The following REV3L variants were observed in gnomAD, a reference collection of about 807,000 sequenced individuals.
The protein encoded by REV3L is DNA polymerase zeta catalytic subunit.
In REV3L, 69 loss-of-function variants were observed where a neutral mutation model predicts 299.4. That is an observed-to-expected ratio of 0.23 (90% confidence interval 0.19 to 0.28). The LOEUF is 0.28. REV3L is among the 10% of genes least tolerant of loss of function. The pLI, the probability that REV3L is intolerant of heterozygous loss-of-function variation, is 1.00. For synonymous variants in REV3L, 1,238 were observed against 1,271.4 expected, an observed-to-expected ratio of 0.97 and a Z score of 0.56; for missense variants, 3,128 against 3,693.8, an observed-to-expected ratio of 0.85 and a Z score of 3.97.
chr6:111,460,584 A>G (rs1309147250), intron 1 of REV3L, among the ~76,000 whole-genome samples: 1 of 152,106 alleles, frequency 6.6e-6, no homozygotes, highest in Non-Finnish European at 1.5e-5. Context: ...AGAGAAACAA[A>G]GATAATTTAT....
At chr6:111,403,401 G>A (rs976095122) in intron 4 of REV3L, among the ~76,000 whole-genome samples, 1 of 152,162 alleles carries the variant, frequency 6.6e-6, no homozygotes, top group Non-Finnish European at 1.5e-5. Context: ...TTTACATATT[G>A]AACATTTGTG....
intron 1 of REV3L, among the ~76,000 whole-genome samples, chr6:111,435,386 T>A (rs1460542048): frequency 6.6e-6 from 1 of 152,176 alleles, no homozygotes; most frequent in Non-Finnish European, 1.5e-5. Flanking sequence ...GCTGGAGGCA[T>A]CACACTACCT....
intron 13 of REV3L, among the ~76,000 whole-genome samples, chr6:111,369,504 C>T (rs1252974472): frequency 6.6e-6 from 1 of 151,928 alleles, no homozygotes; most frequent in African/African-American, 2.4e-5. Flanking sequence ...TCTTAACATA[C>T]ATAATAATAT....
intron 1 of REV3L, among the ~76,000 whole-genome samples, chr6:111,452,497 TA>T (rs571397553): frequency 7.9e-5 from 12 of 151,572 alleles, no homozygotes; most frequent in African/African-American, 1.9e-4. Context: ...ATAATGCAAT[TA>T]AAAAAAAACA....
chr6:111,373,253 T>C lies in REV3L; in HGVS notation c.5102A>G (p.Asn1701Ser). ...ATGCTTGTCTTCATCACATTTCTGG[T>C]TGTCATGACTTAAAAACTCATTTTT... The part of the protein sequence containing the change: ...IEKNEFLSHD[N>S]QKCDEDKHHT... The change falls in exon 13 of 32, where the codon AAC becomes AGC. Residue 1701 changes from asparagine to serine, a missense_variant. Asn to Ser is a conservative substitution (Grantham distance 46). Coordinates refer to ENST00000368802, the MANE Select transcript of REV3L (RefSeq NM_001372078.1). The C allele has an allele frequency of 1.9e-6, 3 of 1,614,072 alleles. No individual in the cohort carries two copies. The highest frequency in any genetic ancestry group is 2.5e-6 in the Non-Finnish European group (3 of 1,179,994).
At chr6:111,427,121 CTT>C (rs766738838) in intron 1 of REV3L, among the ~76,000 whole-genome samples, 3 of 152,078 alleles carry the variant, frequency 2.0e-5, no homozygotes, top group Admixed American at 6.5e-5. Flanking sequence ...TCAAAACAAA[CTT>C]ACTGTCTGGT....
rs1229127180 is a variant in REV3L at position 111,446,263 on chromosome 6, AAT to A, written c.140-29793_140-29792del. On this transcript the variant is annotated intron_variant, in intron 1 of 31. Coordinates refer to ENST00000368802, the MANE Select transcript of REV3L (RefSeq NM_001372078.1). Reference sequence around the variant, plus strand: ...AAACAGATCCTGCTGCTCCATAATCAATATGATTCTATTAATAGAGTAACAAT... The same window carrying A: ...AAACAGATCCTGCTGCTCCATAATCAATGATTCTATTAATAGAGTAACAAT... 2.6e-5 allele frequency among the ~76,000 whole-genome samples: 4 copies of A among 152,330 alleles called. No homozygotes were observed. The South Asian group carries it at 6.2e-4, about 24-fold the overall frequency.
intron 1 of REV3L, among the ~76,000 whole-genome samples, chr6:111,474,754 C>G (rs1792703637): frequency 1.3e-5 from 2 of 152,168 alleles, no homozygotes; most frequent in Non-Finnish European, 2.9e-5. Flanking sequence ...ATTATGGTCT[C>G]TTATTTTTTC....
intron 4 of REV3L, among the ~76,000 whole-genome samples, chr6:111,395,250 A>G (rs1387361289): frequency 6.6e-6 from 1 of 151,998 alleles, no homozygotes; most frequent in African/African-American, 2.4e-5. Context: ...GAAGAATGTC[A>G]TTGGTATTTT....
At chr6:111,468,499 A>ATC (rs2128334690) in intron 1 of REV3L, among the ~76,000 whole-genome samples, 1 of 152,310 alleles carries the variant, frequency 6.6e-6, no homozygotes, top group South Asian at 2.1e-4. Context: ...AGGAAATACC[A>ATC]TAAGGGCCTC....
chr6:111,367,644 T>C lies in REV3L; in HGVS notation c.6144A>G (p.Val2048=). ...GACTTACATCCATTTTTGGAGGCAC[T>C]ACAGGTTTGTCATCTGGGTTAACTG... ...SSSVNPDDKP[V]VPPKMDVSPC... is the part of the protein sequence containing the mutation. The change falls in exon 14 of 32, where the codon GTA becomes GTG. Residue 2048 remains valine, a synonymous_variant. Transcript: ENST00000368802. 1 of 1,614,208 alleles carries C rather than the reference T, an allele frequency of 6.2e-7. No individual in the cohort carries two copies. Among genetic ancestry groups the C allele is most frequent in the Non-Finnish European group, 8.5e-7 (1 of 1,180,020 alleles).
intron 26 of REV3L, among the ~76,000 whole-genome samples, chr6:111,322,193 GTTTAT>G (rs1343800560): frequency 2.0e-5 from 3 of 152,142 alleles, no homozygotes; most frequent in Non-Finnish European, 4.4e-5. Flanking sequence ...TTCAAAAACA[GTTTAT>G]TTTAAGATAT....
Position 111,358,872 on chromosome 6 carries a change from T to G in REV3L, c.7022A>C (p.Glu2341Ala). The stretch of plus-strand genomic sequence containing the variant: ...ATCAATCACTATTACACCTGTGAGT[T>G]CTGTTTTTTCTGTATCTGGCAGTGG... ...DTPLPDTEKTELTGVIVIDKD... is the reference protein window; with the variant it reads ...DTPLPDTEKTALTGVIVIDKD... The change falls in exon 17 of 32, where the codon GAA becomes GCA. Residue 2341 changes from glutamate (E) to alanine (A), a missense_variant. Glu to Ala is a moderately radical substitution (Grantham distance 107, BLOSUM62 -1). Transcript: ENST00000368802. 1 of 1,614,110 alleles carries G rather than the reference T, an allele frequency of 6.2e-7. No homozygotes were observed. The highest frequency in any genetic ancestry group is 8.5e-7 in the Non-Finnish European group (1 of 1,179,966).
intron 21 of REV3L, among the ~76,000 whole-genome samples, chr6:111,339,833 A>G (rs1776304752): frequency 6.6e-6 from 1 of 152,190 alleles, no homozygotes; most frequent in South Asian, 2.1e-4. Flanking sequence ...TAAAAGAGAA[A>G]GAGTAATTGT....
chr6:111,451,661 G>A (rs1789559413), intron 1 of REV3L, among the ~76,000 whole-genome samples: 1 of 151,994 alleles, frequency 6.6e-6, no homozygotes, highest in East Asian at 1.9e-4. Flanking sequence ...CTACCTCACA[G>A]CTTAAAAAGC....
intron 1 of REV3L, chr6:111,431,384 G>A (rs915484297): frequency 5.8e-5 from 56 of 958,270 alleles, no homozygotes; most frequent in Middle Eastern, 5.9e-4. Context: ...GGCTCATAGC[G>A]CTGAAAGCAG....
chr6:111,355,636 A>G (rs1325277395), intron 18 of REV3L, among the ~76,000 whole-genome samples: 3 of 152,154 alleles, frequency 2.0e-5, no homozygotes, highest in Non-Finnish European at 4.4e-5. Flanking sequence ...AAAATTCTCA[A>G]TGTTGGCAGG....
chr6:111,385,924 T>C (rs1459975498), intron 9 of REV3L, among the ~76,000 whole-genome samples: 1 of 152,206 alleles, frequency 6.6e-6, no homozygotes, highest in African/African-American at 2.4e-5. Context: ...GAGCAGCAAA[T>C]TTTTTACATC....
intron 16 of REV3L, among the ~76,000 whole-genome samples, chr6:111,362,287 T>C (rs1778769136): frequency 6.6e-6 from 1 of 152,122 alleles, no homozygotes; most frequent in African/African-American, 2.4e-5. Flanking sequence ...TAAAAAAACA[T>C]AATTCTCAGT....
Sources: allele counts gnomAD v4.1 joint callset (sites outside exome capture counted in the v4.1 genomes callset), GRCh38; gene constraint gnomAD v4.1.1; transcripts MANE v1.5; gene names NCBI Gene and HGNC (gene_info 2026-07-23, HGNC 2026-07-21).